TRAT1: variants seen among roughly 807,000 people sequenced by gnomAD.
The protein encoded by TRAT1 is T-cell receptor-associated transmembrane adapter 1.
A neutral mutation model predicts 20.0 loss-of-function variants in TRAT1; 20 were observed. The ratio of observed to expected loss-of-function variants is 1.00; its 90% CI spans 0.70 to 1.45. TRAT1 has a LOEUF of 1.45. Ranked by LOEUF, TRAT1 falls within the 40% of genes most tolerant of loss-of-function variation. The pLI, the probability that TRAT1 is intolerant of heterozygous loss-of-function variation, is 0.00. For missense variants in TRAT1, 237 were observed against 224.1 expected, an observed-to-expected ratio of 1.06 and a Z score of -0.37; for synonymous variants, 77 against 74.2, an observed-to-expected ratio of 1.04 and a Z score of -0.20.
intron 3 of TRAT1, among the ~76,000 whole-genome samples, chr3:108,842,833 C>T (rs978652143): frequency 2.0e-5 from 3 of 152,152 alleles, no homozygotes; most frequent in African/African-American, 7.2e-5. Flanking sequence ...ACAGACTTTA[C>T]AAAGAAATGA....
At chr3:108,839,233 A>T in intron 3 of TRAT1, 1 of 461,628 alleles carries the variant, frequency 2.2e-6, no homozygotes. Flanking sequence ...ATTATCATTA[A>T]TTTCAGAGGT....
chr3:108,836,577 T>C (rs1945844324), intron 2 of TRAT1, among the ~76,000 whole-genome samples: 1 of 152,224 alleles, frequency 6.6e-6, no homozygotes, highest in South Asian at 2.1e-4. Flanking sequence ...AACTAACTCG[T>C]TCATTGAAAC....
intron 3 of TRAT1, among the ~76,000 whole-genome samples, chr3:108,840,118 T>A (rs1336621236): frequency 6.6e-6 from 1 of 151,806 alleles, no homozygotes; most frequent in East Asian, 1.9e-4. Context: ...TTTAAAAAAA[T>A]TCTTTTTCCA....
chr3:108,826,500 G>T (rs1945740879), intron 1 of TRAT1, among the ~76,000 whole-genome samples: 1 of 152,096 alleles, frequency 6.6e-6, no homozygotes, highest in African/African-American at 2.4e-5. Flanking sequence ...GTCTTTTATT[G>T]TGGGATGATG....
At chr3:108,833,309 TC>T (rs1945811341) in intron 2 of TRAT1, among the ~76,000 whole-genome samples, 1 of 152,112 alleles carries the variant, frequency 6.6e-6, no homozygotes, top group African/African-American at 2.4e-5. Context: ...TCCCAGCTAC[TC>T]GGGAGGCTGA....
chr3:108,844,843 C>CAAAA lies in TRAT1; in HGVS notation c.153-2202_153-2199dup, dbSNP rs71103495. ...TGGGTGACAGAGAGAGACTCTGTCT[C>CAAAA]AAAAAAAAAAAAAAAAAAAAAAAAA... On this transcript the variant is annotated intron_variant, in intron 3 of 5. Coordinates refer to ENST00000295756, the MANE Select transcript of TRAT1 (RefSeq NM_016388.4). Among the ~76,000 whole-genome samples the CAAAA allele has an allele frequency of 7.8e-3, 372 of 47,788 alleles. 62 individuals carry two copies. Among genetic ancestry groups the CAAAA allele is most frequent in the African/African-American group, 0.03 (349 of 11,668 alleles). The allele number at this position is 47,788 out of a possible 152,430, so 31.4% of individuals were successfully genotyped here.
intron 1 of TRAT1, among the ~76,000 whole-genome samples, chr3:108,823,597 T>C (rs1056491428): frequency 6.6e-6 from 1 of 152,184 alleles, no homozygotes; most frequent in African/African-American, 2.4e-5. Flanking sequence ...GTGAAATATA[T>C]ATATTAAAAA....
chr3:108,827,390 G>GTA (rs944379035), intron 1 of TRAT1, among the ~76,000 whole-genome samples: 1 of 70,138 alleles, frequency 1.4e-5, no homozygotes, highest in Non-Finnish European at 3.3e-5. Context: ...GTGTATGTGT[G>GTA]TGTGTGTGTG....
intron 1 of TRAT1, among the ~76,000 whole-genome samples, chr3:108,830,154 A>C (rs1046704105): frequency 6.6e-6 from 1 of 152,298 alleles, no homozygotes; most frequent in South Asian, 2.1e-4. Context: ...ACATAGTATG[A>C]GAAAAGCTCC....
rs112269764 is a variant in TRAT1 at position 108,835,580 on chromosome 3, A to T, written c.119-3354A>T. Among the ~76,000 whole-genome samples, 6 of 152,314 alleles carry T rather than the reference A, an allele frequency of 3.9e-5. 2 individuals are homozygous for T. Among genetic ancestry groups the T allele is most frequent in the African/African-American group, 1.2e-4 (5 of 41,564 alleles). Reference sequence around the variant, plus strand: ...CTTCTTCTAGGGAGGACTGCAAAACAAAATTACCCAAGTACTGATGGCTCA... The same window carrying T: ...CTTCTTCTAGGGAGGACTGCAAAACTAAATTACCCAAGTACTGATGGCTCA... On this transcript the variant is annotated intron_variant, in intron 2 of 5. Transcript: ENST00000295756.
In TRAT1 at chr3:108,854,731, C is replaced by G. The variant is rs902515084; in HGVS notation, c.*854C>G. The G allele has an allele frequency of 6.6e-5, 10 of 152,044 alleles. No individual in the cohort carries two copies. The highest frequency in any genetic ancestry group is 2.4e-4 in the African/African-American group (10 of 41,420). 9.4% of individuals were successfully genotyped at this position (152,044 alleles called of 1,614,324 possible). On this transcript the variant is annotated 3_prime_UTR_variant, in exon 6 of 6. Coordinates refer to ENST00000295756, the MANE Select transcript of TRAT1 (RefSeq NM_016388.4). ...TACGCATATATTGTAATTTTAATGT[C>G]TGCTTAGCACCCCACTGATAACCAA...
intron 2 of TRAT1, among the ~76,000 whole-genome samples, chr3:108,834,973 G>C (rs944161583): frequency 3.3e-5 from 5 of 152,050 alleles, no homozygotes; most frequent in African/African-American, 1.2e-4. Flanking sequence ...TTTTCTGATA[G>C]GAGTGCATTC....
chr3:108,844,087 C>A (rs1258540933), intron 3 of TRAT1, among the ~76,000 whole-genome samples: 2 of 152,168 alleles, frequency 1.3e-5, no homozygotes, highest in Non-Finnish European at 2.9e-5. Context: ...TCTGATGGAT[C>A]CCAAAGCTTG....
At position 108,854,256 on chromosome 3, in the gene TRAT1, G is replaced by C. The variant is rs540625575; in HGVS notation, c.*379G>C. The C allele has an allele frequency of 7.4e-4, 119 of 160,656 alleles. No individual in the cohort carries two copies. In the East Asian group the frequency reaches 9.0e-3, roughly 12 times the overall value. 10.0% of individuals were successfully genotyped at this position (160,656 alleles called of 1,614,324 possible). ...TAAGCATGAATGTGTTCTGGAACAC[G>C]TTAGAAGAAAAATAAAAGCCAATGA... is the stretch of plus-strand genomic sequence containing the variant. On this transcript the variant is annotated 3_prime_UTR_variant, in exon 6 of 6. Coordinates refer to ENST00000295756, the MANE Select transcript of TRAT1 (RefSeq NM_016388.4).
Position 108,853,843 on chromosome 3 carries a change from G to C in TRAT1, c.527G>C (p.Gly176Ala). ...CATGATGATCCCATCAGACTGTTTGGATTGATCCGTGCTAAGAGAGAACCT... is the reference window on the plus strand; with the variant it reads ...CATGATGATCCCATCAGACTGTTTGCATTGATCCGTGCTAAGAGAGAACCT... ...NIHDDPIRLF[G>A]LIRAKREPIN The change falls in exon 6 of 6, where the codon GGA becomes GCA. Residue 176 changes from glycine (G) to alanine (A), a missense_variant. Gly to Ala is a moderately conservative substitution (Grantham distance 60, BLOSUM62 0). Coordinates refer to ENST00000295756, the MANE Select transcript of TRAT1 (RefSeq NM_016388.4). 1 of 1,614,068 alleles carries C rather than the reference G, an allele frequency of 6.2e-7. No individual in the cohort carries two copies. Among genetic ancestry groups the C allele is most frequent in the Non-Finnish European group, 8.5e-7 (1 of 1,179,944 alleles).
chr3:108,833,291 G>A (rs1945810906), intron 2 of TRAT1, among the ~76,000 whole-genome samples: 1 of 152,182 alleles, frequency 6.6e-6, no homozygotes, highest in Non-Finnish European at 1.5e-5. Context: ...AGTGGCGCAT[G>A]CCTGTAATCC....
chr3:108,836,182 T>G (rs1945840651), intron 2 of TRAT1, among the ~76,000 whole-genome samples: 1 of 152,150 alleles, frequency 6.6e-6, no homozygotes, highest in Non-Finnish European at 1.5e-5. Flanking sequence ...CCTCCCAAAG[T>G]GCTGGGATTA....
At chr3:108,827,725 A>G (rs904047865) in intron 1 of TRAT1, among the ~76,000 whole-genome samples, 2 of 152,124 alleles carry the variant, frequency 1.3e-5, no homozygotes, top group Admixed American at 6.6e-5. Flanking sequence ...CTACTCCCCA[A>G]TATTAGAACT....
intron 3 of TRAT1, among the ~76,000 whole-genome samples, chr3:108,844,388 GCTCACTGCCTTCTCTGC>G (rs1261364910): frequency 1.4e-5 from 2 of 147,042 alleles, no homozygotes; most frequent in African/African-American, 2.7e-5. Context: ...TGCAATCCCG[GCTCACTGCCTTCTCTGC>G]CTCCTGGGTT....
Sources: gnomAD v4.1 joint callset for allele counts (sites outside exome capture counted in the v4.1 genomes callset) on GRCh38, gnomAD v4.1.1 for gene constraint, MANE v1.5 for transcripts, NCBI Gene and HGNC (gene_info 2026-07-23, HGNC 2026-07-21) for gene names.